The following MEGF6 variants were observed in gnomAD, a reference collection of about 807,000 sequenced individuals.
MEGF6 encodes multiple EGF like domains 6.
MEGF6 carries 184 observed loss-of-function variants against 207.1 expected under a neutral mutation model. That is an observed-to-expected ratio of 0.89 (90% CI 0.79 to 1.00). The LOEUF is 1.00. MEGF6 is among the 50% of genes least tolerant of loss of function. The probability of loss-of-function intolerance (pLI) is 0.00; values close to 1 mark genes in which losing one functional copy is unlikely to be tolerated. For synonymous variants in MEGF6, 1,038 were observed against 910.0 expected, an observed-to-expected ratio of 1.14 and a Z score of -2.53; for missense variants, 2,282 against 2,202.9, an observed-to-expected ratio of 1.04 and a Z score of -0.72.
intron 4 of MEGF6, among the ~76,000 whole-genome samples, chr1:3,577,107 C>T (rs1233276692): frequency 6.6e-6 from 1 of 152,186 alleles, no homozygotes; most frequent in African/African-American, 2.4e-5. Context: ...TTGAGCCCCG[C>T]ACCCTCGGCT....
intron 4 of MEGF6, among the ~76,000 whole-genome samples, chr1:3,531,599 G>A (rs990668306): frequency 2.7e-5 from 4 of 147,328 alleles, no homozygotes; most frequent in Admixed American, 2.7e-4. Context: ...TCCCGGACCC[G>A]GACGCAGATA....
intron 3 of MEGF6, among the ~76,000 whole-genome samples, chr1:3,582,775 C>T (rs1002569926): frequency 3.3e-5 from 5 of 152,180 alleles, no homozygotes; most frequent in African/African-American, 1.2e-4. Flanking sequence ...CTTCTCTTCC[C>T]CAAATGTCAC....
the MEGF6 span, among the ~76,000 whole-genome samples, chr1:3,617,954 ACCCAAGGC>A: frequency 6.6e-6 from 1 of 152,092 alleles, no homozygotes; most frequent in East Asian, 1.9e-4. Flanking sequence ...TGAGTGAGGC[ACCCAAGGC>A]CCTGTCCCTG....
chr1:3,559,050 A>G (rs143089325), intron 4 of MEGF6, among the ~76,000 whole-genome samples: 473 of 152,262 alleles, frequency 3.1e-3, no homozygotes, highest in Middle Eastern at 0.01. Context: ...AAAAATAAAA[A>G]TGAAAAATAA....
chr1:3,508,854 G>A (rs1329627340), intron 12 of MEGF6, among the ~76,000 whole-genome samples, 165 bp from the exon 13 acceptor site: 2 of 152,204 alleles, frequency 1.3e-5, no homozygotes, highest in Non-Finnish European at 2.9e-5. Flanking sequence ...GCCAGAAGGA[G>A]CCCTAACCTG....
At position 3,499,573 on chromosome 1, in the gene MEGF6, A is replaced by T; in HGVS notation, c.2965+15T>A. 6.4e-7 allele frequency: 1 copy of T among 1,569,330 alleles called. No individual in the cohort carries two copies. Among genetic ancestry groups the T allele is most frequent in the Non-Finnish European group, 8.6e-7 (1 of 1,159,824 alleles). ...CCTCCTGCAGCACCCCGGGCTGAGC[A>T]GGGACCTCACGCACTCTCGGCACAG... On this transcript the variant is annotated intron_variant, in intron 23 of 36. Transcript: ENST00000356575.
At chr1:3,507,733 G>C in intron 14 of MEGF6, 62 bp downstream of exon 14, 1 of 1,606,414 alleles carries the variant, frequency 6.2e-7, no homozygotes, top group Non-Finnish European at 8.5e-7. Flanking sequence ...GAGGGGTGGT[G>C]TCTCCCACTT....
Position 3,498,807 on chromosome 1 carries a change from G to C in MEGF6, c.3114C>G (p.Tyr1038Ter), listed in dbSNP as rs541636588. The stretch of plus-strand genomic sequence containing the variant: ...GGCAGGAATGCCGACAGTTGTCGCC[G>C]TACAGGCCGGCAGGGCAGGCTGGGG... ...SCLQACPAGL[Y>*]GDNCRHSCLC... The change falls in exon 25 of 37, where the codon TAC becomes TAG. Residue 1038 changes from tyrosine (Y) to a stop codon, truncating the protein, a stop_gained. Transcript: ENST00000356575. LOFTEE classifies it high-confidence loss of function. 1.9e-6 allele frequency: 3 copies of C among 1,554,178 alleles called. No individual in the cohort carries two copies. The highest frequency in any genetic ancestry group is 2.6e-6 in the Non-Finnish European group (3 of 1,149,228).
chr1:3,555,266 C>T (rs1461206503), intron 4 of MEGF6, among the ~76,000 whole-genome samples: 1 of 139,634 alleles, frequency 7.2e-6, no homozygotes, highest in Admixed American at 8.2e-5. Context: ...AGGGTGTGAG[C>T]TGCAGGAGGC....
chr1:3,496,190 G>A (rs918503410), intron 29 of MEGF6, among the ~76,000 whole-genome samples, 172 bp from the exon 30 acceptor site: 6 of 152,174 alleles, frequency 3.9e-5, no homozygotes, highest in African/African-American at 7.2e-5. Context: ...CCTTCCACCC[G>A]CAGGCCTGCT....
intron 4 of MEGF6, among the ~76,000 whole-genome samples, chr1:3,564,324 C>G (rs1488736817): frequency 6.6e-6 from 1 of 151,282 alleles, no homozygotes; most frequent in African/African-American, 2.4e-5. Flanking sequence ...TTAACCTCAT[C>G]TTGTAACTGC....
At chr1:3,530,431 C>T (rs11811714) in intron 4 of MEGF6, among the ~76,000 whole-genome samples, 36,031 of 152,036 alleles carry the variant, frequency 0.24, 4,727 homozygotes, top group East Asian at 0.41. Flanking sequence ...CCTCCAATTC[C>T]ACCCCCTCCT....
At chr1:3,540,998 A>G (rs2101503996) in intron 4 of MEGF6, among the ~76,000 whole-genome samples, 1 of 152,206 alleles carries the variant, frequency 6.6e-6, no homozygotes, top group East Asian at 1.9e-4. Context: ...GCCACCAGCT[A>G]GAAAGGGGAG....
intron 4 of MEGF6, among the ~76,000 whole-genome samples, chr1:3,525,385 T>C (rs1360716757): frequency 6.6e-6 from 1 of 152,176 alleles, no homozygotes; most frequent in Non-Finnish European, 1.5e-5. Context: ...TCCTGAGGCC[T>C]CTCCCCGCAT....
intron 4 of MEGF6, among the ~76,000 whole-genome samples, chr1:3,567,239 A>G (rs1643369942): frequency 6.6e-6 from 1 of 152,184 alleles, no homozygotes; most frequent in Non-Finnish European, 1.5e-5. Context: ...TGCACTGGAC[A>G]TGGGCAGGGC....
At chr1:3,531,531 C>A in intron 4 of MEGF6, 2 of 1,026,944 alleles carry the variant, frequency 1.9e-6, no homozygotes, top group East Asian at 1.7e-4. Flanking sequence ...GAGCCCCGCC[C>A]CACCTCCCCC....
rs1372572679 is a variant in MEGF6 at position 3,556,204 on chromosome 1, C to A, written c.481+23621G>T. On this transcript the variant is annotated intron_variant, in intron 4 of 36. Coordinates refer to ENST00000356575, the MANE Select transcript of MEGF6 (RefSeq NM_001409.4). The surrounding 1 kb of genome is among the most constrained non-coding windows in gnomAD (Gnocchi z 4.4). ...GTGAGTCCATGCTCTGCTCCCCAAG[C>A]CCCGTCAGGATTTCCCAGGATGGGG... is the stretch of plus-strand genomic sequence containing the variant. 1.3e-5 allele frequency among the ~76,000 whole-genome samples: 2 copies of A among 152,244 alleles called. No homozygotes were observed. Among genetic ancestry groups the A allele is most frequent in the Non-Finnish European group, 2.9e-5 (2 of 68,048 alleles).
At chr1:3,550,080 C>G (rs921648299) in intron 4 of MEGF6, among the ~76,000 whole-genome samples, 24 of 152,194 alleles carry the variant, frequency 1.6e-4, no homozygotes, top group African/African-American at 5.8e-4. Flanking sequence ...ATGCCCCCAG[C>G]CCTCCCCATC....
chr1:3,520,260 G>A (rs368595783), intron 5 of MEGF6, among the ~76,000 whole-genome samples: 1 of 152,260 alleles, frequency 6.6e-6, no homozygotes, highest in Non-Finnish European at 1.5e-5. Flanking sequence ...CCGGGGTCAT[G>A]CGCGGGCATC....
Sources: allele counts gnomAD v4.1 joint callset (sites outside exome capture counted in the v4.1 genomes callset), GRCh38; gene constraint gnomAD v4.1.1; non-coding constraint Gnocchi (gnomAD v3.1); transcripts MANE v1.5; gene names NCBI Gene and HGNC (gene_info 2026-07-23, HGNC 2026-07-21).